Variants in SLC35F1 observed in about 807,000 individuals in gnomAD.
The protein encoded by SLC35F1 is chromosome 6 open reading frame 169.
In SLC35F1, 14 loss-of-function variants were observed where a neutral mutation model predicts 48.7. The observed-to-expected ratio is 0.29, with a 90% confidence interval of 0.19 to 0.45. The LOEUF (loss-of-function observed/expected upper bound fraction) is 0.45, where lower values mean the gene tolerates loss of function less well. Ranked by LOEUF, SLC35F1 falls within the 20% of genes least tolerant of loss-of-function variation. The pLI is 1.00. For synonymous variants in SLC35F1, 190 were observed against 202.2 expected, an observed-to-expected ratio of 0.94 and a Z score of 0.51; for missense variants, 404 against 500.0, an observed-to-expected ratio of 0.81 and a Z score of 1.83.
intron 2 of SLC35F1, among the ~76,000 whole-genome samples, chr6:118,172,206 A>C (rs1774416241): frequency 6.6e-6 from 1 of 151,898 alleles, no homozygotes; most frequent in Admixed American, 6.6e-5. Flanking sequence ...GCAGAGTATG[A>C]GGGATAACCC....
intron 1 of SLC35F1, among the ~76,000 whole-genome samples, chr6:118,010,712 A>T (rs539669017): frequency 2.6e-5 from 4 of 152,256 alleles, no homozygotes; most frequent in Admixed American, 6.5e-5. Flanking sequence ...CCTCCCAGAA[A>T]CTCAAAATTC....
intron 1 of SLC35F1, among the ~76,000 whole-genome samples, chr6:118,119,511 CTT>C (rs1243496744): frequency 8.7e-6 from 1 of 115,256 alleles, no homozygotes; most frequent in Non-Finnish European, 1.8e-5. Context: ...CTCCACCCCG[CTT>C]TTTTTTTTGA....
At chr6:118,059,429 T>G (rs1190881761) in intron 1 of SLC35F1, among the ~76,000 whole-genome samples, 1 of 152,220 alleles carries the variant, frequency 6.6e-6, no homozygotes, top group African/African-American at 2.4e-5. Context: ...GTTGCCCTTT[T>G]TAAGTAGATG....
intron 1 of SLC35F1, among the ~76,000 whole-genome samples, chr6:118,136,090 C>T (rs11962053): frequency 0.36 from 54,836 of 152,118 alleles, 10,411 homozygotes; most frequent in Non-Finnish European, 0.43. Flanking sequence ...AGTCTCACAG[C>T]CCCTTCTGAT....
intron 1 of SLC35F1, among the ~76,000 whole-genome samples, chr6:117,959,103 A>G (rs527411081): frequency 7.9e-5 from 12 of 152,186 alleles, no homozygotes; most frequent in Non-Finnish European, 1.8e-4. Flanking sequence ...CCCTGCATCA[A>G]TTTCTTCATT....
intron 3 of SLC35F1, among the ~76,000 whole-genome samples, chr6:118,255,014 G>A (rs1775624597): frequency 6.6e-6 from 1 of 152,142 alleles, no homozygotes; most frequent in African/African-American, 2.4e-5. Flanking sequence ...TTTTTCAATA[G>A]CCTCAGAGTT....
intron 1 of SLC35F1, among the ~76,000 whole-genome samples, chr6:117,983,286 T>G (rs1194016974): frequency 1.3e-5 from 2 of 152,054 alleles, no homozygotes. Context: ...GTACACAGTC[T>G]TTTGTGGAGG....
chr6:118,192,779 C>T (rs1241134584), intron 2 of SLC35F1, among the ~76,000 whole-genome samples: 3 of 152,080 alleles, frequency 2.0e-5, no homozygotes, highest in Non-Finnish European at 1.5e-5. Flanking sequence ...CTTAACATGT[C>T]ACATAATTCT....
chr6:118,116,399 C>T (rs973921997), intron 1 of SLC35F1, among the ~76,000 whole-genome samples: 8 of 152,166 alleles, frequency 5.3e-5, no homozygotes, highest in African/African-American at 1.7e-4. Context: ...TTGAAGATCC[C>T]TGGAGTATAG....
rs1043623909 is a variant in SLC35F1, at chr6:118,315,412, C to G, written c.*1160C>G. 1.4e-5 allele frequency: 2 copies of G among 145,996 alleles called. No homozygotes were observed. The highest frequency in any genetic ancestry group is 2.1e-4 in the East Asian group (1 of 4,836). 9.0% of individuals were successfully genotyped at this position (145,996 alleles called of 1,614,324 possible). A position where few individuals can be genotyped will look rare whatever the true frequency, so the allele number is the denominator to read the frequency against. ...GTCATATTTGGCATCCATTCAATAA[C>G]AGATATATTGACACGACATTCTTTT... On this transcript the variant is annotated 3_prime_UTR_variant, in exon 8 of 8. Transcript: ENST00000360388.
chr6:118,140,524 C>G (rs1033812534), intron 1 of SLC35F1, among the ~76,000 whole-genome samples: 2 of 151,750 alleles, frequency 1.3e-5, no homozygotes, highest in Non-Finnish European at 2.9e-5. Context: ...TATTATAATA[C>G]TTGATAGTAA....
chr6:118,277,617 G>A lies in SLC35F1; in HGVS notation c.847+71G>A, dbSNP rs183480570. 59 of 1,363,190 alleles carry A rather than the reference G, an allele frequency of 4.3e-5. 1 individual carries two copies. The African/African-American group carries it at 6.6e-4, about 15-fold the overall frequency. 84.4% of individuals were successfully genotyped at this position (1,363,190 alleles called of 1,614,324 possible). A position where few individuals can be genotyped will look rare whatever the true frequency, so the allele number is the denominator to read the frequency against. ...ATGTGTTTGAAGAATGATGTGGGTC[G>A]GGTGGAGCACAAACAAGGAGGGGAT... On this transcript the variant is annotated intron_variant, in intron 6 of 7. Transcript: ENST00000360388.
intron 7 of SLC35F1, among the ~76,000 whole-genome samples, chr6:118,301,174 G>A (rs944385934): frequency 6.6e-6 from 1 of 152,158 alleles, no homozygotes; most frequent in Non-Finnish European, 1.5e-5. Flanking sequence ...GGCACAGTAG[G>A]TGTTTGGTAA....
At chr6:118,119,860 G>C (rs1020649568) in intron 1 of SLC35F1, among the ~76,000 whole-genome samples, 14 of 152,136 alleles carry the variant, frequency 9.2e-5, no homozygotes, top group African/African-American at 3.1e-4. Context: ...TTTGTGAAAA[G>C]AATAAGGTCA....
At chr6:117,988,857 G>A (rs1776881339) in intron 1 of SLC35F1, among the ~76,000 whole-genome samples, 1 of 152,168 alleles carries the variant, frequency 6.6e-6, no homozygotes, top group African/African-American at 2.4e-5. Context: ...GTTGGATGAT[G>A]GTGATGGTCA....
chr6:118,210,728 T>C (rs1307082141), intron 2 of SLC35F1, among the ~76,000 whole-genome samples: 1 of 152,184 alleles, frequency 6.6e-6, no homozygotes, highest in Non-Finnish European at 1.5e-5. Context: ...CTGTTGTGTC[T>C]CCTTGACTCT....
chr6:118,180,057 T>TTGA (rs1321030362), intron 2 of SLC35F1, among the ~76,000 whole-genome samples: 1 of 152,170 alleles, frequency 6.6e-6, no homozygotes, highest in African/African-American at 2.4e-5. Flanking sequence ...TTTTGGTCTG[T>TTGA]TGATAGCAAA....
chr6:118,105,028 T>G (rs1217261426), intron 1 of SLC35F1, among the ~76,000 whole-genome samples: 1 of 152,214 alleles, frequency 6.6e-6, no homozygotes, highest in Admixed American at 6.5e-5. Context: ...TGGGTTTCTC[T>G]TGAAGACACC....
At chr6:118,128,619 C>T (rs1773663935) in intron 1 of SLC35F1, among the ~76,000 whole-genome samples, 1 of 151,608 alleles carries the variant, frequency 6.6e-6, no homozygotes, top group Non-Finnish European at 1.5e-5. Flanking sequence ...AATGAGAACA[C>T]ATAGACACAG....
Sources: allele counts gnomAD v4.1 joint callset (sites outside exome capture counted in the v4.1 genomes callset), GRCh38; gene constraint gnomAD v4.1.1; transcripts MANE v1.5; gene names NCBI Gene and HGNC (gene_info 2026-07-23, HGNC 2026-07-21).